Variants in CDC14B observed in about 807,000 individuals in gnomAD.
CDC14B encodes dual specificity protein phosphatase CDC14B.
A neutral mutation model predicts 64.2 loss-of-function variants in CDC14B; 22 were observed. The ratio of observed to expected loss-of-function variants is 0.34; its 90% CI spans 0.24 to 0.49. CDC14B has a LOEUF of 0.49. Among genes scored for constraint, CDC14B ranks in the 20% least tolerant of loss-of-function variants. The pLI is 0.99. For missense variants in CDC14B, 498 were observed against 629.9 expected (o/e 0.79, Z 2.24); for synonymous variants, 191 against 215.8 (o/e 0.89, Z 1.01).
At chr9:96,496,455 C>G, downstream of CDC14B, 1 of 432,190 alleles carries the variant, frequency 2.3e-6, no homozygotes, top group Non-Finnish European at 4.7e-6. Context: ...ACGGCAAGGA[C>G]TAGCTTCCTG....
chr9:96,597,501 G>GAAAAAAAA (rs1217556598), intron 1 of CDC14B, among the ~76,000 whole-genome samples: 1 of 66,750 alleles, frequency 1.5e-5, no homozygotes. Context: ...TTCCAAAAAA[G>GAAAAAAAA]AAAAAAAAAA....
At chr9:96,581,882 A>G (rs1164364111) in intron 1 of CDC14B, among the ~76,000 whole-genome samples, 1 of 152,202 alleles carries the variant, frequency 6.6e-6, no homozygotes, top group African/African-American at 2.4e-5. Flanking sequence ...CAGCATTGGT[A>G]GCTAGTGCTC....
rs982836638 is a variant in CDC14B at position 96,501,152 on chromosome 9, A to T, written c.*2601T>A. ...CCTCACCAAATTCTACAAAAAGCTAAGTCCGTCTATACTTCTAGGAACCCA... is the reference window on the plus strand; with the variant it reads ...CCTCACCAAATTCTACAAAAAGCTATGTCCGTCTATACTTCTAGGAACCCA... On this transcript the variant is annotated 3_prime_UTR_variant, in exon 14 of 14. Transcript: ENST00000375241. 2.6e-5 allele frequency: 4 copies of T among 151,840 alleles called. No homozygotes were observed. Among genetic ancestry groups the T allele is most frequent in the African/African-American group, 9.7e-5 (4 of 41,398 alleles). 9.4% of individuals were successfully genotyped at this position (151,840 alleles called of 1,614,324 possible).
At chr9:96,550,682 T>G (rs1841672137) in intron 5 of CDC14B, among the ~76,000 whole-genome samples, 1 of 152,214 alleles carries the variant, frequency 6.6e-6, no homozygotes, top group Non-Finnish European at 1.5e-5. Context: ...GTAAAATTAT[T>G]TCATACATTT....
At chr9:96,567,481 C>T (rs1184800461) in intron 1 of CDC14B, among the ~76,000 whole-genome samples, 2 of 152,264 alleles carry the variant, frequency 1.3e-5, no homozygotes, top group African/African-American at 2.4e-5. Context: ...TCTTCAAAAT[C>T]GTGCAAGATT....
intron 1 of CDC14B, among the ~76,000 whole-genome samples, chr9:96,572,033 T>C (rs1236467926): frequency 6.6e-6 from 1 of 152,110 alleles, no homozygotes; most frequent in Non-Finnish European, 1.5e-5. Context: ...AGGACAGGGT[T>C]CAGAGGGCTC....
chr9:96,581,100 C>A (rs559032055), intron 1 of CDC14B, among the ~76,000 whole-genome samples: 1 of 152,008 alleles, frequency 6.6e-6, no homozygotes, highest in East Asian at 1.9e-4. Flanking sequence ...CATGGTGGCG[C>A]GCGCCTGTAA....
intron 4 of CDC14B, among the ~76,000 whole-genome samples, chr9:96,560,385 G>A (rs1200122790): frequency 2.0e-5 from 3 of 152,048 alleles, no homozygotes; most frequent in Admixed American, 6.6e-5. Context: ...ATTTCTCCAG[G>A]GTTCCCTTTA....
At chr9:96,533,240 A>G (rs560089975) in intron 9 of CDC14B, among the ~76,000 whole-genome samples, 121 of 152,338 alleles carry the variant, frequency 7.9e-4, no homozygotes, top group Admixed American at 1.5e-3. Context: ...AAGTGCTGGG[A>G]TTATAGGCGT....
At chr9:96,529,947 T>C (rs559285938) in intron 9 of CDC14B, among the ~76,000 whole-genome samples, 15 of 152,308 alleles carry the variant, frequency 9.8e-5, no homozygotes, top group Non-Finnish European at 1.6e-4. Flanking sequence ...CAGGCTTGCA[T>C]TGAATCTGTA....
intron 9 of CDC14B, among the ~76,000 whole-genome samples, chr9:96,529,770 G>C (rs1397018305): frequency 1.5e-5 from 2 of 134,848 alleles, no homozygotes; most frequent in Non-Finnish European, 2.9e-5. Context: ...TGGGATTACA[G>C]GTGTTAAGCT....
intron 5 of CDC14B, among the ~76,000 whole-genome samples, chr9:96,544,075 G>T (rs932358903): frequency 1.4e-4 from 22 of 151,964 alleles, no homozygotes; most frequent in Admixed American, 1.4e-3. Context: ...AAATTAGCCG[G>T]GCATGGTGGC....
intron 5 of CDC14B, among the ~76,000 whole-genome samples, chr9:96,545,374 G>A (rs926208721): frequency 1.2e-4 from 18 of 148,366 alleles, no homozygotes; most frequent in Non-Finnish European, 2.4e-4. Context: ...AGTGAGTGCA[G>A]TGGCGCGATC....
At chr9:96,597,779 G>C (rs1319154793) in intron 1 of CDC14B, among the ~76,000 whole-genome samples, 1 of 152,166 alleles carries the variant, frequency 6.6e-6, no homozygotes, top group Non-Finnish European at 1.5e-5. Context: ...CTACTACATG[G>C]AGAAATGTTT....
At chr9:96,593,823 C>T (rs899616318) in intron 1 of CDC14B, among the ~76,000 whole-genome samples, 1 of 151,954 alleles carries the variant, frequency 6.6e-6, no homozygotes, top group African/African-American at 2.4e-5. Context: ...AAGATAGACC[C>T]GAACACATTC....
Position 96,619,356 on chromosome 9 carries a change from C to G in CDC14B, c.23G>C (p.Arg8Pro). ...GGGGGGCGCGGCGGCCCAGCTCGAC[C>G]GCCGCTCGCTTTTCCGCTTCATGGA... is the stretch of plus-strand genomic sequence containing the variant. MKRKSER[R>P]SSWAAAPPCS... The change falls in exon 1 of 14, where the codon CGG becomes CCG. Residue 8 changes from arginine to proline, a missense_variant. Coordinates refer to ENST00000375241, the MANE Select transcript of CDC14B (RefSeq NM_033331.4). The G allele has an allele frequency of 8.1e-7, 1 of 1,238,546 alleles. No individual in the cohort carries two copies. Among genetic ancestry groups the G allele is most frequent in the Non-Finnish European group, 1.0e-6 (1 of 987,898 alleles). 76.7% of individuals were successfully genotyped at this position (1,238,546 alleles called of 1,614,324 possible).
At chr9:96,564,354 T>C (rs138102250) in intron 3 of CDC14B, among the ~76,000 whole-genome samples, 101 of 152,304 alleles carry the variant, frequency 6.6e-4, no homozygotes, top group Admixed American at 4.5e-3. Context: ...AGTTTCAAAA[T>C]AGGAGAGAAA....
intron 1 of CDC14B, among the ~76,000 whole-genome samples, chr9:96,580,909 T>C (rs1418522139): frequency 6.6e-6 from 1 of 152,160 alleles, no homozygotes; most frequent in Non-Finnish European, 1.5e-5. Flanking sequence ...CTAAGCCTTA[T>C]TTCTAAGGTA....
downstream of CDC14B, among the ~76,000 whole-genome samples, chr9:96,499,787 G>C (rs1833404181): frequency 6.6e-6 from 1 of 152,222 alleles, no homozygotes; most frequent in Non-Finnish European, 1.5e-5. Context: ...AATCTGACTG[G>C]TGTCCTCTTG....
Sources: gnomAD v4.1 joint callset for allele counts (sites outside exome capture counted in the v4.1 genomes callset) on GRCh38, gnomAD v4.1.1 for gene constraint, MANE v1.5 for transcripts, NCBI Gene and HGNC (gene_info 2026-07-23, HGNC 2026-07-21) for gene names.